AMMECR1: variants seen among roughly 807,000 people sequenced by gnomAD.
The protein encoded by AMMECR1 is AMMECR nuclear protein 1.
A neutral mutation model predicts 22.5 loss-of-function variants in AMMECR1; 3 were observed. That is an observed-to-expected ratio of 0.13 (90% CI 0.06 to 0.35). The LOEUF (loss-of-function observed/expected upper bound fraction) is 0.35. Ranked by LOEUF, AMMECR1 falls within the 10% of genes least tolerant of loss-of-function variation. The probability of loss-of-function intolerance (pLI) is 1.00; values close to 1 mark genes in which losing one functional copy is unlikely to be tolerated. For missense variants in AMMECR1, 235 were observed against 278.7 expected (o/e 0.84, Z 1.12); for synonymous variants, 130 against 116.7 (o/e 1.11, Z -0.74).
intron 2 of AMMECR1, among the ~76,000 whole-genome samples, chrX:110,233,498 C>T (rs1033555090): frequency 1.6e-4 from 18 of 111,794 alleles, no homozygotes; most frequent in African/African-American, 4.2e-4. Context: ...CAACATCATC[C>T]GGATACCAAA....
intron 2 of AMMECR1, among the ~76,000 whole-genome samples, chrX:110,378,455 G>A (rs2068394596): frequency 9.0e-6 from 1 of 111,177 alleles, no homozygotes; most frequent in African/African-American, 3.3e-5. Context: ...ACAGCTTTTG[G>A]CAAAAGATCC....
chrX:110,220,948 C>T (rs978609947), intron 2 of AMMECR1, among the ~76,000 whole-genome samples: 1 of 112,394 alleles, frequency 8.9e-6, no homozygotes, highest in Non-Finnish European at 1.9e-5. Flanking sequence ...TATTACAAGG[C>T]TCATCGTAAA....
intron 2 of AMMECR1, among the ~76,000 whole-genome samples, chrX:110,249,627 T>C (rs1012732047): frequency 9.0e-6 from 1 of 111,372 alleles, no homozygotes; most frequent in Non-Finnish European, 1.9e-5. Flanking sequence ...TCTGGCTGGG[T>C]GCGGTGGCTC....
chrX:110,409,989 T>C lies in AMMECR1; in HGVS notation c.-148+16669A>G, dbSNP rs759115660. 4.5e-5 allele frequency among the ~76,000 whole-genome samples: 5 copies of C among 111,809 alleles called. No individual in the cohort carries two copies. In the South Asian group the frequency reaches 1.5e-3, roughly 34 times the overall value. ...GCAGTGTGGCTCCTAATCCTCAGAG[T>C]CTGATTCAGTAAGTCCGAGATGAGG... is the stretch of plus-strand genomic sequence containing the variant. On this transcript the variant is annotated intron_variant, in intron 2 of 7. Coordinates refer to the AMMECR1 transcript ENST00000372057.
chrX:110,255,664 G>T (rs1475828933), intron 2 of AMMECR1, among the ~76,000 whole-genome samples: 1 of 111,506 alleles, frequency 9.0e-6, no homozygotes, highest in Non-Finnish European at 1.9e-5. Context: ...AGCTTCTGAA[G>T]AATTTATTTT....
chrX:110,274,986 T>C (rs902820731), intron 1 of AMMECR1, among the ~76,000 whole-genome samples: 1 of 111,987 alleles, frequency 8.9e-6, no homozygotes, highest in Non-Finnish European at 1.9e-5. Flanking sequence ...AACGTATACG[T>C]CCATTTAACT....
intron 1 of AMMECR1, among the ~76,000 whole-genome samples, chrX:110,294,566 A>C (rs2148214579): frequency 8.9e-6 from 1 of 111,886 alleles, no homozygotes; most frequent in Non-Finnish European, 1.9e-5. Context: ...CAGATGGTTC[A>C]AGATGCGTTA....
At chrX:110,307,263 A>C (rs1326817766) in intron 1 of AMMECR1, 1 of 109,555 alleles carries the variant, frequency 9.1e-6, no homozygotes, top group Non-Finnish European at 1.9e-5. Context: ...AAAAAAAAAA[A>C]GTAAACTACC....
chrX:110,301,076 T>C (rs2067964345), intron 1 of AMMECR1, among the ~76,000 whole-genome samples: 1 of 111,655 alleles, frequency 9.0e-6, no homozygotes, highest in Non-Finnish European at 1.9e-5. Flanking sequence ...AACTAGACAT[T>C]TTAAACAATA....
intron 1 of AMMECR1, among the ~76,000 whole-genome samples, chrX:110,436,480 C>T (rs750395848): frequency 2.5e-4 from 28 of 112,055 alleles, no homozygotes; most frequent in Non-Finnish European, 5.1e-4. Flanking sequence ...TGAGAATCAT[C>T]AGAGTCTACT....
At chrX:110,259,927 G>C (rs1469299366) in intron 2 of AMMECR1, among the ~76,000 whole-genome samples, 1 of 110,857 alleles carries the variant, frequency 9.0e-6, no homozygotes, top group Non-Finnish European at 1.9e-5. Flanking sequence ...CTATATTAGT[G>C]GTAATTTTCC....
chrX:110,398,631 C>A (rs369342667), intron 2 of AMMECR1, among the ~76,000 whole-genome samples: 1 of 111,900 alleles, frequency 8.9e-6, no homozygotes, highest in Non-Finnish European at 1.9e-5. Flanking sequence ...GCAGAAGAAA[C>A]AGGCATAAAT....
At chrX:110,261,810 T>C (rs2067743091) in intron 2 of AMMECR1, among the ~76,000 whole-genome samples, 1 of 111,606 alleles carries the variant, frequency 9.0e-6, no homozygotes, top group South Asian at 3.7e-4. Flanking sequence ...CTGCAAAACA[T>C]AAATAATCAG....
intron 1 of AMMECR1, among the ~76,000 whole-genome samples, chrX:110,309,936 G>A (rs1051099403): frequency 2.7e-5 from 3 of 112,504 alleles, no homozygotes; most frequent in African/African-American, 9.7e-5. Flanking sequence ...GGAAATAAAA[G>A]GATCACTGCC....
chrX:110,282,452 C>T (rs376638323), intron 1 of AMMECR1, among the ~76,000 whole-genome samples: 22 of 110,601 alleles, frequency 2.0e-4, no homozygotes, highest in East Asian at 1.7e-3. Flanking sequence ...ACTTGATGAA[C>T]TGCTACAGGA....
chrX:110,370,570 T>C (rs192862481), intron 2 of AMMECR1, among the ~76,000 whole-genome samples: 1 of 112,586 alleles, frequency 8.9e-6, no homozygotes, highest in East Asian at 2.8e-4. Context: ...TTCTAAGTCA[T>C]CCCTTTTCTA....
chrX:110,361,102 C>T (rs945055529), intron 2 of AMMECR1, among the ~76,000 whole-genome samples: 4 of 110,753 alleles, frequency 3.6e-5, no homozygotes, highest in Non-Finnish European at 5.7e-5. Context: ...AAAACTGCCC[C>T]TGCCCACAAC....
chrX:110,366,375 T>C (rs2068297373), intron 2 of AMMECR1, among the ~76,000 whole-genome samples: 1 of 111,282 alleles, frequency 9.0e-6, no homozygotes, highest in Non-Finnish European at 1.9e-5. Context: ...ACTAATGGGG[T>C]ATACCGGATT....
intron 2 of AMMECR1, among the ~76,000 whole-genome samples, chrX:110,399,583 A>T (rs1313653646): frequency 1.3e-4 from 15 of 112,513 alleles, no homozygotes; most frequent in Non-Finnish European, 2.4e-4. Context: ...CTCATATTAG[A>T]TGTGATACAA....
Sources: gnomAD v4.1 joint callset for allele counts (sites outside exome capture counted in the v4.1 genomes callset) on GRCh38, gnomAD v4.1.1 for gene constraint, MANE v1.5 for transcripts, NCBI Gene and HGNC (gene_info 2026-07-23, HGNC 2026-07-21) for gene names.